The following TEKT5 variants were observed in gnomAD, a reference collection of about 807,000 sequenced individuals.
TEKT5 encodes tektin 5.
TEKT5 carries 52 observed loss-of-function variants against 48.7 expected under a neutral mutation model. That is an observed-to-expected ratio of 1.07 (90% CI 0.86 to 1.35). TEKT5 has a LOEUF of 1.35. TEKT5 is among the 40% of genes most tolerant of loss of function. The probability of loss-of-function intolerance (pLI) is 0.00; values close to 1 mark genes in which losing one functional copy is unlikely to be tolerated. For missense variants in TEKT5, 831 were observed against 641.6 expected (o/e 1.30, Z -3.19); for synonymous variants, 318 against 267.6 (o/e 1.19, Z -1.84).
chr16:10,627,846 ATTTG>A (rs1386830605), intron 6 of TEKT5, 47 bp from the exon 7 acceptor site: 7 of 1,552,086 alleles, frequency 4.5e-6, no homozygotes, highest in East Asian at 2.3e-5. Flanking sequence ...ATTTATTTTT[ATTTG>A]TTTATTTTTT....
At chr16:10,664,867 T>C (rs79478877) in intron 5 of TEKT5, among the ~76,000 whole-genome samples, 3,139 of 152,330 alleles carry the variant, frequency 0.021, 141 homozygotes, top group East Asian at 0.17. Flanking sequence ...ACTATTTTTA[T>C]AGCTAATAGT....
intron 5 of TEKT5, among the ~76,000 whole-genome samples, chr16:10,652,125 G>C (rs962586616): frequency 2.0e-5 from 3 of 152,168 alleles, no homozygotes; most frequent in African/African-American, 7.2e-5. Flanking sequence ...CTGGAGGTGA[G>C]GTTTAGTGAG....
In TEKT5 at chr16:10,675,823, G is replaced by T. The variant is rs991631372; in HGVS notation, c.1086+136C>A. 2 of 812,784 alleles carry T rather than the reference G, an allele frequency of 2.5e-6. No individual in the cohort carries two copies. Among genetic ancestry groups the T allele is most frequent in the Non-Finnish European group, 3.9e-6 (2 of 510,778 alleles). The allele number at this position is 812,784 out of a possible 1,614,324, so 50.3% of individuals were successfully genotyped here. A position where few individuals can be genotyped will look rare whatever the true frequency, so the allele number is the denominator to read the frequency against. ...CCTTGGCCCCTTTTAGGAAGAAAAA[G>T]ACCACAGACCTTGGGAGAGAGGGTA... On this transcript the variant is annotated intron_variant, in intron 5 of 6. Coordinates refer to ENST00000283025, the MANE Select transcript of TEKT5 (RefSeq NM_144674.2).
intron 5 of TEKT5, among the ~76,000 whole-genome samples, chr16:10,653,022 C>T (rs1304228877): frequency 6.6e-6 from 1 of 152,222 alleles, no homozygotes. Context: ...ATCCCCCAAG[C>T]TCTGAGGGGC....
chr16:10,679,474 G>C (rs564486024), intron 4 of TEKT5, among the ~76,000 whole-genome samples: 1 of 150,470 alleles, frequency 6.6e-6, no homozygotes, highest in Non-Finnish European at 1.5e-5. Context: ...AAAAAAAGGT[G>C]TCTACTGCCA....
In TEKT5 at chr16:10,689,259, T is replaced by C; in HGVS notation, c.713A>G (p.Gln238Arg). The C allele has an allele frequency of 1.9e-6, 3 of 1,606,930 alleles. No individual in the cohort carries two copies. Among genetic ancestry groups the C allele is most frequent in the Non-Finnish European group, 2.5e-6 (3 of 1,177,822 alleles). ...MRKLAQRIDI[Q>R]MRDNRDAQHV... is the part of the protein sequence containing the mutation. ...AAAAAAAAAAAGCCCTTACCGCATCTGGATATCAATTCTTTGAGCTAATTT... is the reference window on the plus strand; with the variant it reads ...AAAAAAAAAAAGCCCTTACCGCATCCGGATATCAATTCTTTGAGCTAATTT... The change falls in exon 3 of 7, where the codon CAG (glutamine) becomes CGG (arginine). Residue 238 changes from glutamine (Q) to arginine (R), a missense_variant. Transcript: ENST00000283025.
At chr16:10,674,674 T>C (rs1316663394) in intron 5 of TEKT5, among the ~76,000 whole-genome samples, 1 of 150,968 alleles carries the variant, frequency 6.6e-6, no homozygotes, top group Non-Finnish European at 1.5e-5. Flanking sequence ...TAAACTTTAT[T>C]TATTTATTTT....
intron 5 of TEKT5, among the ~76,000 whole-genome samples, chr16:10,672,861 T>G (rs1898572651): frequency 6.6e-6 from 1 of 151,842 alleles, no homozygotes; most frequent in South Asian, 2.1e-4. Context: ...TTTTTTTGTT[T>G]TTTTTTTTTG....
intron 3 of TEKT5, among the ~76,000 whole-genome samples, chr16:10,687,295 G>A (rs1898879354): frequency 1.3e-5 from 2 of 152,078 alleles, no homozygotes; most frequent in African/African-American, 2.4e-5. Context: ...AAATACACAC[G>A]TAATTTCAGA....
chr16:10,658,822 A>G (rs1158544977), intron 5 of TEKT5, among the ~76,000 whole-genome samples: 1 of 151,982 alleles, frequency 6.6e-6, no homozygotes, highest in African/African-American at 2.4e-5. Context: ...GGTTCAAGCA[A>G]TTCTCGTACC....
intron 3 of TEKT5, among the ~76,000 whole-genome samples, chr16:10,685,537 T>A (rs1213952638): frequency 6.6e-6 from 1 of 152,148 alleles, no homozygotes; most frequent in Admixed American, 6.5e-5. Context: ...CCGCAAGTGA[T>A]CCACCCACCT....
rs35503579 is a variant in TEKT5 at position 10,632,869 on chromosome 16, G to GACACACACACACACAC, written c.1241+2879_1241+2894dup. On this transcript the variant is annotated intron_variant, in intron 6 of 6. Coordinates refer to ENST00000283025, the MANE Select transcript of TEKT5 (RefSeq NM_144674.2). Reference sequence around the variant, plus strand: ...CCAAAACACAACATACACAGATGCAGACACACACACACACACACACACACA... The same window carrying GACACACACACACACAC: ...CCAAAACACAACATACACAGATGCAGACACACACACACACACACACACACACACACACACACACACA... Among the ~76,000 whole-genome samples, 179 of 131,722 alleles carry GACACACACACACACAC rather than the reference G, an allele frequency of 1.4e-3. 5 individuals carry two copies. The highest frequency in any genetic ancestry group is 6.7e-3 in the East Asian group (30 of 4,452). The allele number at this position is 131,722 out of a possible 152,430, so 86.4% of individuals were successfully genotyped here.
At chr16:10,667,306 A>G (rs2719685) in intron 5 of TEKT5, among the ~76,000 whole-genome samples, 51,898 of 151,950 alleles carry the variant, frequency 0.34, 10,035 homozygotes, top group East Asian at 0.54. Context: ...TATGTTAAAG[A>G]TCTCTCCCCT....
chr16:10,682,535 G>A (rs57017880), intron 3 of TEKT5, among the ~76,000 whole-genome samples: 2,593 of 152,188 alleles, frequency 0.017, 82 homozygotes, highest in African/African-American at 0.059. Flanking sequence ...GCTGTGTTGC[G>A]CAGGCTGGTC....
At chr16:10,639,381 C>A (rs1399572742) in intron 5 of TEKT5, among the ~76,000 whole-genome samples, 2 of 152,118 alleles carry the variant, frequency 1.3e-5, no homozygotes, top group Admixed American at 1.3e-4. Context: ...ACTCACACAC[C>A]AGAGACAGAT....
At chr16:10,681,661 C>G (rs2719721) in intron 4 of TEKT5, among the ~76,000 whole-genome samples, 83,029 of 150,668 alleles carry the variant, frequency 0.55, 23,630 homozygotes, top group East Asian at 0.82. Flanking sequence ...TAAGCCAATG[C>G]CATGCCCTCT....
intron 4 of TEKT5, among the ~76,000 whole-genome samples, chr16:10,679,578 C>T (rs376363693): frequency 3.0e-4 from 46 of 152,156 alleles, no homozygotes; most frequent in African/African-American, 8.2e-4. Context: ...CTGTTTCATC[C>T]GCCCAGACAT....
intron 4 of TEKT5, among the ~76,000 whole-genome samples, chr16:10,681,305 A>T (rs1032610423): frequency 6.6e-6 from 1 of 152,034 alleles, no homozygotes; most frequent in Non-Finnish European, 1.5e-5. Flanking sequence ...AAAGAAATGA[A>T]GTGACTTGCT....
At chr16:10,668,831 T>C (rs1317535033) in intron 5 of TEKT5, among the ~76,000 whole-genome samples, 1 of 152,088 alleles carries the variant, frequency 6.6e-6, no homozygotes, top group African/African-American at 2.4e-5. Context: ...TAAAGCAGAG[T>C]GCACAAATAC....
Sources: gnomAD v4.1 joint callset for allele counts (sites outside exome capture counted in the v4.1 genomes callset) on GRCh38, gnomAD v4.1.1 for gene constraint, MANE v1.5 for transcripts, NCBI Gene and HGNC (gene_info 2026-07-23, HGNC 2026-07-21) for gene names.